The following WDFY3 variants were observed in gnomAD, a reference collection of about 807,000 sequenced individuals.
The protein encoded by WDFY3 is WD repeat and FYVE domain-containing protein 3.
Under a neutral mutation model 409.6 loss-of-function variants are expected in WDFY3, and 66 were observed. The ratio of observed to expected loss-of-function variants is 0.16; its 90% CI spans 0.13 to 0.20. The LOEUF (loss-of-function observed/expected upper bound fraction) is 0.20, where lower values mean the gene tolerates loss of function less well. Ranked by LOEUF, WDFY3 falls within the 10% of genes least tolerant of loss-of-function variation. The pLI is 1.00. For synonymous variants in WDFY3, 1,521 were observed against 1,537.1 expected (o/e 0.99, Z 0.25); for missense variants, 3,031 against 4,298.1 (o/e 0.71, Z 8.24).
intron 22 of WDFY3, 66 bp from the exon 23 acceptor site, chr4:84,787,779 G>C (rs1747810941): frequency 2.2e-6 from 3 of 1,343,328 alleles, no homozygotes; most frequent in Non-Finnish European, 3.1e-6. Context: ...AACTACTTCA[G>C]CATATGTATT....
Position 84,753,831 on chromosome 4 carries a change from C to T in WDFY3, c.5605G>A (p.Val1869Met), listed in dbSNP as rs192243148. ...TATCTGAAGAACTGCATCAGGGTCA[C>T]AGGATATTCTCGGAGCCAAGATCCC... ...EEGSWLREYP[V>M]TLMQFFRYLY... is the part of the protein sequence containing the mutation. Residue 1869 changes from valine (V) to methionine (M), a missense_variant, in exon 35 of 68, where the codon GTG becomes ATG. Val to Met is a conservative substitution (Grantham distance 21). This residue lies in a region of WDFY3 where 342 missense variants were observed against 463.7 expected (regional missense o/e 0.74). Transcript: ENST00000295888. 3.1e-6 allele frequency: 5 copies of T among 1,608,186 alleles called. No homozygotes were observed. The highest frequency in any genetic ancestry group is 4.2e-6 in the Non-Finnish European group (5 of 1,177,820).
At chr4:84,716,438 C>CAAAAA (rs549365469) in intron 49 of WDFY3, among the ~76,000 whole-genome samples, 1 of 55,596 alleles carries the variant, frequency 1.8e-5, no homozygotes. Context: ...GACTCCATCT[C>CAAAAA]AAAAAAAAAA....
intron 58 of WDFY3, among the ~76,000 whole-genome samples, chr4:84,694,679 C>G (rs1386161052): frequency 6.6e-6 from 1 of 152,140 alleles, no homozygotes; most frequent in African/African-American, 2.4e-5. Context: ...TGCCTGTAAT[C>G]CCAGCACTTT....
chr4:84,839,661 C>G (rs909225751), intron 6 of WDFY3, among the ~76,000 whole-genome samples: 1 of 151,922 alleles, frequency 6.6e-6, no homozygotes, highest in Non-Finnish European at 1.5e-5. Context: ...AGTTCGGGAC[C>G]AGCCTGGCCA....
intron 2 of WDFY3, among the ~76,000 whole-genome samples, chr4:84,906,846 C>G (rs1440367343): frequency 6.7e-6 from 1 of 149,760 alleles, no homozygotes; most frequent in Admixed American, 6.7e-5. Context: ...GACAATTCTT[C>G]TTCTCCCAGT....
rs1342832779 is a variant in WDFY3 at position 84,696,057 on chromosome 4, A to C, written c.8814T>G (p.Gly2938=). The change falls in exon 58 of 68, where the codon GGT becomes GGG. Residue 2938 remains glycine, a synonymous_variant. Transcript: ENST00000295888. ...VNVFHHLFYE[G]QVDIYNINDP... is the part of the protein sequence containing the mutation. ...CATTGATGTTGTAGATATCCACTTG[A>C]CCCTCATAAAAAAGATGATGGAAGA... 9.3e-6 allele frequency: 15 copies of C among 1,613,998 alleles called. No individual in the cohort carries two copies. The highest frequency in any genetic ancestry group is 2.7e-5 in the African/African-American group (2 of 74,914).
At chr4:84,818,918 C>T (rs964540240) in intron 12 of WDFY3, among the ~76,000 whole-genome samples, 1 of 152,014 alleles carries the variant, frequency 6.6e-6, no homozygotes, top group Non-Finnish European at 1.5e-5. Flanking sequence ...ACTTCTAGGT[C>T]GTCTCAAGGA....
At chr4:84,730,144 A>T (rs888018770) in intron 44 of WDFY3, among the ~76,000 whole-genome samples, 1 of 152,194 alleles carries the variant, frequency 6.6e-6, no homozygotes, top group African/African-American at 2.4e-5. Context: ...CCCTGGAAAC[A>T]AAGCCCTACT....
chr4:84,817,648 G>T, intron 12 of WDFY3, 63 bp from the exon 13 acceptor site: 2 of 1,382,232 alleles, frequency 1.4e-6, no homozygotes, highest in Non-Finnish European at 9.9e-7. Context: ...CAAGTCAGAT[G>T]AATTAACATT....
In WDFY3 at chr4:84,829,137, A is replaced by G; in HGVS notation, c.823T>C (p.Ser275Pro). Residue 275 changes from serine to proline, a missense_variant, in exon 9 of 68, where the codon TCT (serine) becomes CCT (proline). Physicochemically the swap from Ser to Pro is moderately conservative, Grantham distance 74. This residue lies in a region of WDFY3 where 1,322 missense variants were observed against 1,697.9 expected (regional missense o/e 0.78). Coordinates refer to ENST00000295888, the MANE Select transcript of WDFY3 (RefSeq NM_014991.6). ...VQNMQQSDDLSPLEIVEMFAG... is the reference protein window; with the variant it reads ...VQNMQQSDDLPPLEIVEMFAG... ...AACATTTCGACAATTTCTAGGGGAG[A>G]CAGGTCATCTGATTGCTGCATATTC... 6.2e-7 allele frequency: 1 copy of G among 1,613,370 alleles called. No homozygotes were observed. The highest frequency in any genetic ancestry group is 8.5e-7 in the Non-Finnish European group (1 of 1,179,500).
chr4:84,945,899 T>G (rs1772760477), intron 1 of WDFY3, among the ~76,000 whole-genome samples: 2 of 152,114 alleles, frequency 1.3e-5, no homozygotes, highest in Admixed American at 6.6e-5. Flanking sequence ...CAGAGTTTTA[T>G]TTCCTCATAA....
chr4:84,747,057 C>G (rs1739577305), intron 36 of WDFY3, among the ~76,000 whole-genome samples: 1 of 152,078 alleles, frequency 6.6e-6, no homozygotes, highest in Non-Finnish European at 1.5e-5. Flanking sequence ...ACTGGTTGGC[C>G]CACCAGACAA....
intron 52 of WDFY3, 43 bp from the exon 53 acceptor site, chr4:84,709,071 C>A (rs944964212): frequency 4.4e-6 from 7 of 1,606,376 alleles, no homozygotes; most frequent in Non-Finnish European, 6.0e-6. Context: ...TCGATTATTT[C>A]CACTATGTTC....
At chr4:84,758,408 G>C (rs1177627739) in intron 32 of WDFY3, among the ~76,000 whole-genome samples, 3 of 151,984 alleles carry the variant, frequency 2.0e-5, no homozygotes, top group Non-Finnish European at 4.4e-5. Context: ...ACCATGCCTG[G>C]CTAATTAAAA....
chr4:84,884,629 A>G (rs1452311116), intron 3 of WDFY3, among the ~76,000 whole-genome samples: 1 of 152,208 alleles, frequency 6.6e-6, no homozygotes, highest in Non-Finnish European at 1.5e-5. Flanking sequence ...TAGGAAACAT[A>G]ACAGGTAACA....
rs988207274 is a variant in WDFY3 at position 84,702,834 on chromosome 4, C to T, written c.8443-328G>A. On this transcript the variant is annotated intron_variant, in intron 55 of 67. Transcript: ENST00000295888. The stretch of plus-strand genomic sequence containing the variant: ...AGTTCTGGCCGGGCGCGGCGGCTCA[C>T]GCCTGTAATCCCAGCACTTTCGGAG... Among the ~76,000 whole-genome samples, 7 of 152,196 alleles carry T rather than the reference C, an allele frequency of 4.6e-5. No individual in the cohort carries two copies. The East Asian group carries it at 5.8e-4, about 13-fold the overall frequency.
chr4:84,780,014 T>G (rs1746229235), intron 26 of WDFY3, 94 bp downstream of exon 26: 2 of 1,332,182 alleles, frequency 1.5e-6, no homozygotes, highest in Admixed American at 2.6e-5. Flanking sequence ...GACAATATAA[T>G]TCTTCCAGAG....
At position 84,702,413 on chromosome 4, in the gene WDFY3, G is replaced by T; in HGVS notation, c.8536C>A (p.Leu2846Ile). ...SKHNMADVKELIPEFFYLPEF... is the reference protein window; with the variant it reads ...SKHNMADVKEIIPEFFYLPEF... ...GGTAAATAAAAGAACTCTGGGATAAGTTCTTTTACATCTGCCATATTGTGC... is the reference window on the plus strand; with the variant it reads ...GGTAAATAAAAGAACTCTGGGATAATTTCTTTTACATCTGCCATATTGTGC... The change falls in exon 56 of 68, where the codon CTT becomes ATT. Residue 2846 changes from leucine to isoleucine, a missense_variant. Leu to Ile is a conservative substitution (Grantham distance 5, BLOSUM62 2). This residue lies in a region of WDFY3 where 129 missense variants were observed against 305.3 expected (regional missense o/e 0.42). Coordinates refer to ENST00000295888, the MANE Select transcript of WDFY3 (RefSeq NM_014991.6). 6.2e-7 allele frequency: 1 copy of T among 1,613,706 alleles called. No homozygotes were observed. Among genetic ancestry groups the T allele is most frequent in the Non-Finnish European group, 8.5e-7 (1 of 1,179,914 alleles).
intron 48 of WDFY3, among the ~76,000 whole-genome samples, chr4:84,718,004 C>A (rs539464752): frequency 7.5e-6 from 1 of 133,856 alleles, no homozygotes; most frequent in East Asian, 2.4e-4. Flanking sequence ...GCCGAGATTG[C>A]GCCACTGCCA....
Sources: allele counts gnomAD v4.1 joint callset (sites outside exome capture counted in the v4.1 genomes callset), GRCh38; gene constraint gnomAD v4.1.1; regional missense constraint gnomAD v4.1.1; transcripts MANE v1.5; gene names NCBI Gene and HGNC (gene_info 2026-07-23, HGNC 2026-07-21).